The following TTC28 variants were observed in gnomAD, a reference collection of about 807,000 sequenced individuals.
TTC28 encodes the protein tetratricopeptide repeat domain 28.
Under a neutral mutation model 198.0 loss-of-function variants are expected in TTC28, and 61 were observed. The ratio of observed to expected loss-of-function variants is 0.31; its 90% CI spans 0.25 to 0.38. The LOEUF (loss-of-function observed/expected upper bound fraction) is 0.38. Ranked by LOEUF, TTC28 falls within the 10% of genes least tolerant of loss-of-function variation. The probability of loss-of-function intolerance (pLI) is 1.00; values close to 1 mark genes in which losing one functional copy is unlikely to be tolerated. For missense variants in TTC28, 2,678 were observed against 3,164.0 expected (o/e 0.85, Z 3.69); for synonymous variants, 1,171 against 1,297.8 (o/e 0.90, Z 2.10).
intron 2 of TTC28, among the ~76,000 whole-genome samples, chr22:28,375,243 C>T (rs933349462): frequency 6.6e-5 from 10 of 152,082 alleles, no homozygotes; most frequent in African/African-American, 2.2e-4. Flanking sequence ...TAATTACTAC[C>T]ATTTATTATG....
At chr22:28,379,852 C>A (rs894240060) in intron 2 of TTC28, among the ~76,000 whole-genome samples, 1 of 151,798 alleles carries the variant, frequency 6.6e-6, no homozygotes, top group Non-Finnish European at 1.5e-5. Context: ...GCCTTCACTA[C>A]AAGAAATGTT....
At chr22:28,096,616 TA>T (rs1391649537) in intron 10 of TTC28, among the ~76,000 whole-genome samples, 1 of 152,162 alleles carries the variant, frequency 6.6e-6, no homozygotes, top group African/African-American at 2.4e-5. Context: ...CACACTACCC[TA>T]AGCCATCAGA....
intron 2 of TTC28, among the ~76,000 whole-genome samples, chr22:28,467,015 T>G (rs1442723654): frequency 1.3e-5 from 2 of 152,190 alleles, no homozygotes; most frequent in African/African-American, 2.4e-5. Flanking sequence ...AAAAATGGAG[T>G]CATATACTTT....
At chr22:28,014,982 A>G (rs1456945195) in intron 13 of TTC28, among the ~76,000 whole-genome samples, 1 of 152,216 alleles carries the variant, frequency 6.6e-6, no homozygotes, top group Non-Finnish European at 1.5e-5. Flanking sequence ...ATGGCTGTAT[A>G]GTTTTGTTTC....
intron 20 of TTC28, 131 bp downstream of exon 20, chr22:27,990,658 G>A (rs943443880): frequency 2.5e-6 from 2 of 808,070 alleles, no homozygotes; most frequent in South Asian, 3.7e-5. Context: ...GCACCCGCGG[G>A]GGCGCCGCAG....
chr22:28,371,560 A>G (rs1246836921), intron 2 of TTC28, among the ~76,000 whole-genome samples: 8 of 115,036 alleles, frequency 7.0e-5, no homozygotes, highest in Non-Finnish European at 1.8e-5. Flanking sequence ...CCTGGGCAAC[A>G]TGGCAAAACC....
In TTC28 at chr22:28,030,959, G is replaced by A. The variant is rs186719144; in HGVS notation, c.3933-593C>T. Reference sequence around the variant, plus strand: ...TGGAAACGCAAACTTGAGAACTGCCGCTGATTTGGCCCATTTTCCAAGCTC... The same window carrying A: ...TGGAAACGCAAACTTGAGAACTGCCACTGATTTGGCCCATTTTCCAAGCTC... On this transcript the variant is annotated intron_variant, in intron 12 of 22. Transcript: ENST00000397906. Among the ~76,000 whole-genome samples the A allele has an allele frequency of 9.1e-4, 138 of 152,324 alleles. 1 individual carries two copies. The highest frequency in any genetic ancestry group is 3.1e-3 in the African/African-American group (127 of 41,580).
chr22:28,607,505 A>T (rs1318196650), intron 2 of TTC28, among the ~76,000 whole-genome samples: 1 of 152,210 alleles, frequency 6.6e-6, no homozygotes, highest in African/African-American at 2.4e-5. Context: ...TAAAAACAAG[A>T]CTAAAATTAT....
At chr22:28,275,742 C>CAA (rs373466726) in intron 5 of TTC28, among the ~76,000 whole-genome samples, 2 of 140,372 alleles carry the variant, frequency 1.4e-5, no homozygotes, top group Admixed American at 7.1e-5. Context: ...AAAGTTTAAA[C>CAA]AAAAAAAAAA....
At chr22:28,345,277 T>C (rs2045887819) in intron 2 of TTC28, among the ~76,000 whole-genome samples, 2 of 152,142 alleles carry the variant, frequency 1.3e-5, no homozygotes, top group South Asian at 4.1e-4. Flanking sequence ...TTCTAGTTAA[T>C]AGAACATCCA....
chr22:28,525,199 G>T lies in TTC28; in HGVS notation c.381+104353C>A, dbSNP rs556782151. On this transcript the variant is annotated intron_variant, in intron 2 of 22. Transcript: ENST00000397906. ...GGGTCTCACTCTGTCACCGAGGCTG[G>T]AGTGCAGCGGTGCAATCATGGCTCA... Among the ~76,000 whole-genome samples, 10 of 152,270 alleles carry T rather than the reference G, an allele frequency of 6.6e-5. No individual in the cohort carries two copies. In the South Asian group the frequency reaches 2.1e-3, roughly 32 times the overall value.
At chr22:28,422,913 G>A (rs745424551) in intron 2 of TTC28, among the ~76,000 whole-genome samples, 12 of 151,916 alleles carry the variant, frequency 7.9e-5, no homozygotes, top group Non-Finnish European at 1.6e-4. Flanking sequence ...AACAATCAAT[G>A]GATGGTATAA....
intron 12 of TTC28, among the ~76,000 whole-genome samples, chr22:28,080,453 T>C (rs1337180400): frequency 6.6e-6 from 1 of 152,252 alleles, no homozygotes; most frequent in Non-Finnish European, 1.5e-5. Context: ...TGAACATCTT[T>C]ACATATGCTT....
chr22:27,987,818 G>A (rs917988662), intron 21 of TTC28, among the ~76,000 whole-genome samples: 5 of 152,310 alleles, frequency 3.3e-5, no homozygotes, highest in South Asian at 2.1e-4. Context: ...GAAGCATCCC[G>A]GATGGGAACC....
intron 2 of TTC28, among the ~76,000 whole-genome samples, chr22:28,324,451 G>C (rs1422194459): frequency 6.6e-6 from 1 of 151,722 alleles, no homozygotes; most frequent in African/African-American, 2.4e-5. Flanking sequence ...GAAAATTTCA[G>C]GCCAATAATC....
intron 1 of TTC28, among the ~76,000 whole-genome samples, chr22:28,649,536 C>T (rs1370229133): frequency 6.6e-6 from 1 of 152,082 alleles, no homozygotes; most frequent in Non-Finnish European, 1.5e-5. Context: ...GTTTCATGCC[C>T]ATGAATAATA....
intron 2 of TTC28, among the ~76,000 whole-genome samples, chr22:28,426,404 C>T (rs910569617): frequency 6.6e-6 from 1 of 152,028 alleles, no homozygotes; most frequent in African/African-American, 2.4e-5. Context: ...AATATTTAAA[C>T]ACACACAAAG....
intron 3 of TTC28, among the ~76,000 whole-genome samples, chr22:28,304,548 T>C (rs376799290): frequency 2.6e-5 from 4 of 152,292 alleles, no homozygotes; most frequent in South Asian, 4.1e-4. Context: ...AAGAAGCTGC[T>C]TTCTCCAGGT....
chr22:28,576,339 T>G (rs548074917), intron 2 of TTC28, among the ~76,000 whole-genome samples: 1 of 152,280 alleles, frequency 6.6e-6, no homozygotes, highest in Non-Finnish European at 1.5e-5. Context: ...TAAATTTCAC[T>G]TCATCATAAT....
Sources: gnomAD v4.1 joint callset for allele counts (sites outside exome capture counted in the v4.1 genomes callset) on GRCh38, gnomAD v4.1.1 for gene constraint, MANE v1.5 for transcripts, NCBI Gene and HGNC (gene_info 2026-07-23, HGNC 2026-07-21) for gene names.